The following IARS2 variants were observed in gnomAD, a reference collection of about 807,000 sequenced individuals.
IARS2 encodes the protein isoleucyl-tRNA synthetase 2, mitochondrial, also known as isoleucine--tRNA ligase, mitochondrial.
Under a neutral mutation model 126.3 loss-of-function variants are expected in IARS2, and 56 were observed. The ratio of observed to expected loss-of-function variants is 0.44; its 90% CI spans 0.36 to 0.55. IARS2 has a LOEUF of 0.55. Among genes scored for constraint, IARS2 ranks in the 20% least tolerant of loss-of-function variants. The probability of loss-of-function intolerance (pLI) is 0.00; values close to 1 mark genes in which losing one functional copy is unlikely to be tolerated. For missense variants in IARS2, 1,127 were observed against 1,245.9 expected, an observed-to-expected ratio of 0.90 and a Z score of 1.44; for synonymous variants, 407 against 441.1, an observed-to-expected ratio of 0.92 and a Z score of 0.97.
chr1:220,110,086 G>A (rs1441639299), intron 10 of IARS2, among the ~76,000 whole-genome samples: 1 of 151,858 alleles, frequency 6.6e-6, no homozygotes, highest in Non-Finnish European at 1.5e-5. Context: ...ACAGAGTCTC[G>A]CTTTGTTGCC....
Position 220,102,420 on chromosome 1 carries a change from T to C in IARS2, c.749+8T>C, listed in dbSNP as rs747645857. The C allele has an allele frequency of 5.0e-6, 8 of 1,613,374 alleles. No homozygotes were observed. Among genetic ancestry groups the C allele is most frequent in the African/African-American group, 1.3e-5 (1 of 74,904 alleles). On this transcript the variant is annotated splice_region_variant and intron_variant, in intron 5 of 22. Transcript: ENST00000366922. ...TTGGTCTCCGTCATCTAGGTATATATGCATTTTTCGGTAATTAAAAGGGAG... is the reference window on the plus strand; with the variant it reads ...TTGGTCTCCGTCATCTAGGTATATACGCATTTTTCGGTAATTAAAAGGGAG...
chr1:220,131,292 T>C (rs1657261359), intron 14 of IARS2, among the ~76,000 whole-genome samples: 1 of 152,124 alleles, frequency 6.6e-6, no homozygotes, highest in Admixed American at 6.5e-5. Context: ...TTCTCCTGCC[T>C]GAGCCTCCAG....
In IARS2 at chr1:220,147,797, C is replaced by T; in HGVS notation, c.*162C>T. 1.6e-6 allele frequency: 1 copy of T among 641,568 alleles called. No individual in the cohort carries two copies. Among genetic ancestry groups the T allele is most frequent in the Non-Finnish European group, 2.7e-6 (1 of 375,472 alleles). 39.7% of individuals were successfully genotyped at this position (641,568 alleles called of 1,614,324 possible). A position where few individuals can be genotyped will look rare whatever the true frequency, so the allele number is the denominator to read the frequency against. On this transcript the variant is annotated 3_prime_UTR_variant, in exon 23 of 23. Transcript: ENST00000366922. ...ATCAGAATTATAGAAGAAGTATTTC[C>T]TGTAACTATAGAAAGAATTATGTAT...
At position 220,123,872 on chromosome 1, in the gene IARS2, T is replaced by C. The variant is rs1264546883; in HGVS notation, c.1641-1365T>C. 3.9e-5 allele frequency among the ~76,000 whole-genome samples: 6 copies of C among 152,248 alleles called. No individual in the cohort carries two copies. In the East Asian group the frequency reaches 1.2e-3, roughly 29 times the overall value. On this transcript the variant is annotated intron_variant, in intron 12 of 22. Transcript: ENST00000366922. ...ATCTGTGAATTATCAGGCCCAGACC[T>C]GACGTCAAATAATCAGTTTGAATAA...
At position 220,139,010 on chromosome 1, in the gene IARS2, T is replaced by C. The variant is rs1405992278; in HGVS notation, c.2178T>C (p.Leu726=). The change falls in exon 18 of 23, where the codon CTT becomes CTC. Residue 726 remains leucine, a splice_region_variant and synonymous_variant. Transcript: ENST00000366922. The stretch of plus-strand genomic sequence containing the variant: ...ATATTTTTTCTTCCTATGAATAGCT[T>C]AGGAATACACTTCGCTTTCTTTTGG... The part of the protein sequence containing the change: ...LNAARDDISK[L]RNTLRFLLGN... The C allele has an allele frequency of 3.7e-6, 6 of 1,611,634 alleles. No homozygotes were observed. Among genetic ancestry groups the C allele is most frequent in the Non-Finnish European group, 5.1e-6 (6 of 1,179,286 alleles).
chr1:220,110,372 C>G (rs868229103), intron 10 of IARS2, among the ~76,000 whole-genome samples: 2 of 151,256 alleles, frequency 1.3e-5, no homozygotes, highest in African/African-American at 4.9e-5. Context: ...GTTGACTACT[C>G]TTTTATTTTT....
chr1:220,138,151 G>C (rs1440110348), intron 17 of IARS2, 108 bp downstream of exon 17: 1 of 1,226,500 alleles, frequency 8.2e-7, no homozygotes, highest in Non-Finnish European at 1.2e-6. Context: ...ATGAAAACGA[G>C]TTCTTCATTT....
chr1:220,096,301 T>A, intron 2 of IARS2, 75 bp downstream of exon 2: 1 of 905,754 alleles, frequency 1.1e-6, no homozygotes, highest in Admixed American at 3.0e-5. Context: ...GTATTCTAAT[T>A]ATATGATAAT....
At chr1:220,105,357 T>C (rs554360929) in intron 8 of IARS2, among the ~76,000 whole-genome samples, 1 of 152,334 alleles carries the variant, frequency 6.6e-6, no homozygotes, top group African/African-American at 2.4e-5. Context: ...TAAAGATCTT[T>C]TGTCTAGATA....
chr1:220,120,310 C>T lies in IARS2; in HGVS notation c.1641-4927C>T, dbSNP rs532785674. Among the ~76,000 whole-genome samples the T allele has an allele frequency of 6.7e-4, 101 of 151,462 alleles. 2 individuals are homozygous for T. Among genetic ancestry groups the T allele is most frequent in the Non-Finnish European group, 7.8e-4 (53 of 67,828 alleles). ...TAGGTCAGGCTGGTCTCGAACTCCC[C>T]ACCTCAGGTGATCCGCCCGCCTCGG... On this transcript the variant is annotated intron_variant, in intron 12 of 22. Coordinates refer to ENST00000366922, the MANE Select transcript of IARS2 (RefSeq NM_018060.4).
chr1:220,136,914 A>C lies in IARS2; in HGVS notation c.2049+3A>C, dbSNP rs762884397. 6.4e-7 allele frequency: 1 copy of C among 1,550,454 alleles called. No individual in the cohort carries two copies. Among genetic ancestry groups the C allele is most frequent in the South Asian group, 1.1e-5 (1 of 87,932 alleles). On this transcript the variant is annotated splice_donor_region_variant and intron_variant, in intron 16 of 22. Transcript: ENST00000366922. ...ATGTTGTCGTTAATGGAGGACAAGTAGGTGATTCTCTAAAATGTATTTTAT... is the reference window on the plus strand; with the variant it reads ...ATGTTGTCGTTAATGGAGGACAAGTCGGTGATTCTCTAAAATGTATTTTAT...
At chr1:220,127,182 C>T (rs937806743) in intron 14 of IARS2, among the ~76,000 whole-genome samples, 1 of 152,194 alleles carries the variant, frequency 6.6e-6, no homozygotes, top group African/African-American at 2.4e-5. Context: ...CTGAAATAGT[C>T]TGACCCCATA....
chr1:220,126,729 G>T, intron 13 of IARS2, 21 bp from the exon 14 acceptor site: 1 of 1,571,390 alleles, frequency 6.4e-7, no homozygotes, highest in Non-Finnish European at 8.7e-7. Context: ...TACCTGACAT[G>T]CTTTTGCATT....
At chr1:220,099,354 C>G (rs920821324) in intron 2 of IARS2, among the ~76,000 whole-genome samples, 3 of 151,850 alleles carry the variant, frequency 2.0e-5, no homozygotes, top group African/African-American at 7.3e-5. Flanking sequence ...TTTAACTCAA[C>G]ATATCTAAAG....
At chr1:220,140,631 G>A (rs1657468816) in intron 19 of IARS2, among the ~76,000 whole-genome samples, 1 of 151,802 alleles carries the variant, frequency 6.6e-6, no homozygotes, top group Non-Finnish European at 1.5e-5. Context: ...GTCTACTTGT[G>A]TTTGGCAACC....
At chr1:220,108,424 T>C (rs1446621852) in intron 10 of IARS2, among the ~76,000 whole-genome samples, 1 of 151,836 alleles carries the variant, frequency 6.6e-6, no homozygotes, top group African/African-American at 2.4e-5. Flanking sequence ...TCTCGCTCTG[T>C]TGCCCAGGCT....
Position 220,147,572 on chromosome 1 carries a change from G to T in IARS2, c.2976G>T (p.Lys992Asn). The T allele has an allele frequency of 6.2e-7, 1 of 1,614,114 alleles. No individual in the cohort carries two copies. Among genetic ancestry groups the T allele is most frequent in the Non-Finnish European group, 8.5e-7 (1 of 1,179,978 alleles). Residue 992 changes from lysine to asparagine, a missense_variant, in exon 23 of 23, where the codon AAG becomes AAT. Transcript: ENST00000366922. ...AAGAAAAATGCCCCCGTTGTTGGAA[G>T]TATACAGCGGAGTCTTCAGATACAC... ...TTKEKCPRCW[K>N]YTAESSDTLC...
At chr1:220,140,639 A>G (rs1270146090) in intron 19 of IARS2, among the ~76,000 whole-genome samples, 3 of 151,506 alleles carry the variant, frequency 2.0e-5, no homozygotes, top group African/African-American at 7.3e-5. Context: ...GTGTTTGGCA[A>G]CCGTCAGGGA....
intron 8 of IARS2, among the ~76,000 whole-genome samples, chr1:220,105,606 G>T (rs1474877980): frequency 6.6e-6 from 1 of 152,090 alleles, no homozygotes; most frequent in Non-Finnish European, 1.5e-5. Flanking sequence ...ATTTTGGGAG[G>T]GTGGTGAGGG....
Sources: allele counts gnomAD v4.1 joint callset (sites outside exome capture counted in the v4.1 genomes callset), GRCh38; gene constraint gnomAD v4.1.1; transcripts MANE v1.5; gene names NCBI Gene and HGNC (gene_info 2026-07-23, HGNC 2026-07-21).